Variants in MSI2 observed in about 807,000 individuals in gnomAD.
The protein encoded by MSI2 is musashi RNA binding protein 2, also known as RNA-binding protein Musashi homolog 2.
MSI2 carries 17 observed loss-of-function variants against 45.6 expected under a neutral mutation model. The ratio of observed to expected loss-of-function variants is 0.37; its 90% CI spans 0.26 to 0.56. MSI2 has a LOEUF of 0.56. Ranked by LOEUF, MSI2 falls within the 20% of genes least tolerant of loss-of-function variation. The probability of loss-of-function intolerance (pLI) is 0.77; values close to 1 mark genes in which losing one functional copy is unlikely to be tolerated. For synonymous variants in MSI2, 156 were observed against 158.2 expected (o/e 0.99, Z 0.11); for missense variants, 293 against 444.2 (o/e 0.66, Z 3.06).
At chr17:57,648,132 C>CATGT (rs1555637234) in intron 10 of MSI2, among the ~76,000 whole-genome samples, 5 of 116,182 alleles carry the variant, frequency 4.3e-5, no homozygotes, top group Admixed American at 8.8e-5. Context: ...CTGGCTAATT[C>CATGT]GTGTGTGTGT....
chr17:57,360,236 C>A (rs1038165139), intron 5 of MSI2, among the ~76,000 whole-genome samples: 1 of 152,252 alleles, frequency 6.6e-6, no homozygotes, highest in African/African-American at 2.4e-5. Context: ...CTGCCACATG[C>A]TCGTGCTTGT....
chr17:57,479,500 C>A (rs545170589), intron 6 of MSI2, among the ~76,000 whole-genome samples: 15 of 152,210 alleles, frequency 9.9e-5, no homozygotes, highest in Non-Finnish European at 2.2e-4. Flanking sequence ...CCCAGATACT[C>A]CATTTTTATA....
At chr17:57,362,276 C>T (rs929154077) in intron 5 of MSI2, among the ~76,000 whole-genome samples, 4 of 152,216 alleles carry the variant, frequency 2.6e-5, no homozygotes, top group Admixed American at 6.5e-5. Flanking sequence ...TTTCTATTTG[C>T]ACTTCCATTT....
intron 5 of MSI2, among the ~76,000 whole-genome samples, chr17:57,297,120 G>A (rs955925432): frequency 5.3e-5 from 8 of 151,592 alleles, no homozygotes; most frequent in East Asian, 1.9e-4. Context: ...TGATCCACCC[G>A]CCTTGGCCTC....
chr17:57,695,809 C>T, the MSI2 span, among the ~76,000 whole-genome samples: 1 of 152,308 alleles, frequency 6.6e-6, no homozygotes, highest in African/African-American at 2.4e-5. Flanking sequence ...AGTCCAAGAT[C>T]AGGGCGCTGA....
At chr17:57,656,838 G>T (rs906370860) in intron 11 of MSI2, among the ~76,000 whole-genome samples, 5 of 152,228 alleles carry the variant, frequency 3.3e-5, no homozygotes, top group African/African-American at 1.2e-4. Context: ...AGCACGTGCT[G>T]CCAGTCATCT....
At chr17:57,273,547 C>T (rs1433097306) in intron 5 of MSI2, among the ~76,000 whole-genome samples, 1 of 138,174 alleles carries the variant, frequency 7.2e-6, no homozygotes, top group Non-Finnish European at 1.6e-5. Context: ...GGGGGGGGGA[C>T]CTCATTATGA....
intron 6 of MSI2, among the ~76,000 whole-genome samples, chr17:57,415,088 G>A (rs1305951220): frequency 1.3e-5 from 2 of 152,102 alleles, no homozygotes; most frequent in African/African-American, 2.4e-5. Context: ...CTGGTGAGAC[G>A]GTGAGAGCGT....
intron 6 of MSI2, chr17:57,448,227 G>C (rs1456723729): frequency 6.6e-6 from 1 of 152,166 alleles, no homozygotes; most frequent in Non-Finnish European, 1.5e-5. Context: ...GCATTAATTT[G>C]CCCAAGCCCA....
chr17:57,345,818 C>CAA (rs10685506), intron 5 of MSI2, among the ~76,000 whole-genome samples: 32,037 of 120,826 alleles, frequency 0.27, 4,216 homozygotes, highest in African/African-American at 0.36. Flanking sequence ...GACTCCGTCT[C>CAA]AAAAAAAAAA....
At chr17:57,644,141 T>G (rs1444324842) in intron 10 of MSI2, among the ~76,000 whole-genome samples, 16 of 151,960 alleles carry the variant, frequency 1.1e-4, no homozygotes, top group Admixed American at 1.0e-3. Context: ...CTTGGGAATG[T>G]CAGGCTTTCT....
Position 57,394,244 on chromosome 17 carries a change from G to A in MSI2, c.313-7135G>A, listed in dbSNP as rs142592043. Among the ~76,000 whole-genome samples, 7 of 152,288 alleles carry A rather than the reference G, an allele frequency of 4.6e-5. No homozygotes were observed. In the East Asian group the frequency reaches 1.2e-3, roughly 25 times the overall value. ...GAAGATGACACAGTAGCAAATGAAG[G>A]TGTTAGAGCAGTGAATAGGAAGGGC... is the stretch of plus-strand genomic sequence containing the variant. On this transcript the variant is annotated intron_variant, in intron 5 of 13. Coordinates refer to ENST00000284073, the MANE Select transcript of MSI2 (RefSeq NM_138962.4).
chr17:57,638,128 G>A (rs994841581), intron 10 of MSI2, among the ~76,000 whole-genome samples: 8 of 152,200 alleles, frequency 5.3e-5, no homozygotes, highest in South Asian at 4.1e-4. Context: ...CCTGAGGTTC[G>A]GGTAGCTGGT....
At chr17:57,358,502 G>A (rs182025480) in intron 5 of MSI2, among the ~76,000 whole-genome samples, 1 of 152,204 alleles carries the variant, frequency 6.6e-6, no homozygotes, top group Admixed American at 6.5e-5. Context: ...AGGATCTTTT[G>A]GAAAAGTGAG....
At chr17:57,418,416 A>G (rs2084335180) in intron 6 of MSI2, among the ~76,000 whole-genome samples, 1 of 152,260 alleles carries the variant, frequency 6.6e-6, no homozygotes, top group African/African-American at 2.4e-5. Flanking sequence ...CCTCCAAGAT[A>G]TTTGGAAAAA....
At chr17:57,341,828 A>C (rs1915188995) in intron 5 of MSI2, among the ~76,000 whole-genome samples, 1 of 151,928 alleles carries the variant, frequency 6.6e-6, no homozygotes, top group African/African-American at 2.4e-5. Context: ...GGAATTGAAG[A>C]CCTCCAGGGA....
chr17:57,496,149 C>T (rs533756624), intron 6 of MSI2, among the ~76,000 whole-genome samples: 28 of 152,264 alleles, frequency 1.8e-4, no homozygotes, highest in African/African-American at 4.8e-4. Flanking sequence ...TGTGTCATTT[C>T]GGCATAATAT....
intron 5 of MSI2, among the ~76,000 whole-genome samples, chr17:57,395,753 C>T (rs2083876589): frequency 6.6e-6 from 1 of 152,206 alleles, no homozygotes; most frequent in African/African-American, 2.4e-5. Context: ...TTGGCAGATA[C>T]ATAGGATTTC....
chr17:57,344,502 C>T (rs1025519992), intron 5 of MSI2, among the ~76,000 whole-genome samples: 20 of 152,206 alleles, frequency 1.3e-4, no homozygotes, highest in African/African-American at 4.3e-4. Flanking sequence ...GAGTTACTCA[C>T]TTCTCCAAGG....
Sources: allele counts gnomAD v4.1 joint callset (sites outside exome capture counted in the v4.1 genomes callset), GRCh38; gene constraint gnomAD v4.1.1; transcripts MANE v1.5; gene names NCBI Gene and HGNC (gene_info 2026-07-23, HGNC 2026-07-21).